ADIPOR1: variants seen among roughly 807,000 people sequenced by gnomAD.
ADIPOR1 encodes the protein adiponectin receptor 1, also known as adiponectin receptor protein 1.
A neutral mutation model predicts 37.5 loss-of-function variants in ADIPOR1; 15 were observed. The ratio of observed to expected loss-of-function variants is 0.40; its 90% CI spans 0.27 to 0.62. The LOEUF is 0.62. Among genes scored for constraint, ADIPOR1 ranks in the 20% least tolerant of loss-of-function variants. The pLI, the probability that ADIPOR1 is intolerant of heterozygous loss-of-function variation, is 0.42. For missense variants in ADIPOR1, 286 were observed against 478.0 expected, an observed-to-expected ratio of 0.60 and a Z score of 3.75; for synonymous variants, 173 against 173.2, an observed-to-expected ratio of 1.00 and a Z score of 0.01.
Position 202,950,912 on chromosome 1 carries a change from C to G in ADIPOR1, c.141+18G>C, listed in dbSNP as rs890667200. ...AGAGAAACTGAACAAGGGGATGACT[C>G]CTGGGAAGATGACTTACTTTGGGTG... On this transcript the variant is annotated intron_variant, in intron 2 of 7. Transcript: ENST00000340990. The G allele has an allele frequency of 1.9e-6, 3 of 1,614,080 alleles. No individual in the cohort carries two copies. Among genetic ancestry groups the G allele is most frequent in the Non-Finnish European group, 2.5e-6 (3 of 1,179,992 alleles).
Position 202,942,225 on chromosome 1 carries a change from A to C in ADIPOR1, c.806-7T>G. ...CCAAGTCCCAGGAACACGCCTGAAC[A>C]GAACAGACATAAGACTGTCAAACAA... On this transcript the variant is annotated splice_region_variant and splice_polypyrimidine_tract_variant and intron_variant, in intron 6 of 7. Transcript: ENST00000340990. 1 of 1,609,124 alleles carries C rather than the reference A, an allele frequency of 6.2e-7. No individual in the cohort carries two copies. The highest frequency in any genetic ancestry group is 8.5e-7 in the Non-Finnish European group (1 of 1,177,230).
At chr1:202,956,257 A>G (rs750907534) in intron 1 of ADIPOR1, among the ~76,000 whole-genome samples, 9 of 152,242 alleles carry the variant, frequency 5.9e-5, no homozygotes, top group Admixed American at 1.3e-4. Context: ...TGCTTATCTT[A>G]CCTGTGTGAT....
Position 202,943,894 on chromosome 1 carries a change from C to T in ADIPOR1, c.669G>A (p.Trp223Ter). Residue 223 changes from tryptophan (W) to a stop codon, truncating the protein, a stop_gained, in exon 6 of 8, where the codon TGG becomes TGA. Coordinates refer to ENST00000340990, the MANE Select transcript of ADIPOR1 (RefSeq NM_015999.6). LOFTEE classifies it high-confidence loss of function. Reference sequence around the variant, plus strand: ...GGGAGCAGTAGAAGGAATAATAGAGCCAGGGGACAAAGCTCCCCATAATTA... The same window carrying T: ...GGGAGCAGTAGAAGGAATAATAGAGTCAGGGGACAAAGCTCCCCATAATTA... The part of the protein sequence containing the change: ...ALLIMGSFVP[W>*]LYYSFYCSPQ... The T allele has an allele frequency of 6.2e-7, 1 of 1,613,966 alleles. No homozygotes were observed. Among genetic ancestry groups the T allele is most frequent in the Non-Finnish European group, 8.5e-7 (1 of 1,179,946 alleles).
At chr1:202,945,650 T>C in intron 4 of ADIPOR1, among the ~76,000 whole-genome samples, 1 of 152,210 alleles carries the variant, frequency 6.6e-6, no homozygotes, top group East Asian at 1.9e-4. Context: ...GGAAATGTGG[T>C]GTATGTACAC....
At chr1:202,957,802 C>A (rs553173668) in intron 1 of ADIPOR1, among the ~76,000 whole-genome samples, 35 of 152,332 alleles carry the variant, frequency 2.3e-4, no homozygotes, top group African/African-American at 7.9e-4. Flanking sequence ...GCAGCCCTCC[C>A]TCCCCACGCG....
chr1:202,958,381 C>G (rs2102498981), upstream of ADIPOR1: 1 of 152,970 alleles, frequency 6.5e-6, no homozygotes, highest in South Asian at 1.8e-4. Context: ...CCTAGGCCCT[C>G]TCGCGGAGTC....
chr1:202,949,252 G>A (rs1046352424), intron 2 of ADIPOR1, among the ~76,000 whole-genome samples: 4 of 151,898 alleles, frequency 2.6e-5, no homozygotes, highest in Non-Finnish European at 5.9e-5. Context: ...CTGGTTCCAT[G>A]GAAAACAGCG....
At chr1:202,948,851 G>T (rs1169009595) in intron 2 of ADIPOR1, among the ~76,000 whole-genome samples, 3 of 151,070 alleles carry the variant, frequency 2.0e-5, no homozygotes, top group African/African-American at 7.3e-5. Flanking sequence ...GAGTACAGTG[G>T]TGCGATCTCT....
intron 4 of ADIPOR1, 114 bp downstream of exon 4, chr1:202,946,325 G>T: frequency 1.5e-6 from 2 of 1,296,340 alleles, no homozygotes; most frequent in Admixed American, 1.9e-5. Context: ...GTCATTAGTA[G>T]TTTAAAGGTA....
rs1654087629 is a variant in ADIPOR1 at position 202,941,609 on chromosome 1, G to C, written c.1092C>G (p.Gly364=). The change falls in exon 8 of 8, where the codon GGC becomes GGG. Residue 364 remains glycine (G), a synonymous_variant. Coordinates refer to ENST00000340990, the MANE Select transcript of ADIPOR1 (RefSeq NM_015999.6). ...GVSNLQEFRY[G]LEGGCTDDTL... ...TGTCATCAGTACAGCCGCCTTCTAG[G>C]CCGTAACGGAATTCCTGAAGGTTGG... 1 of 1,614,060 alleles carries C rather than the reference G, an allele frequency of 6.2e-7. No individual in the cohort carries two copies. Among genetic ancestry groups the C allele is most frequent in the Non-Finnish European group, 8.5e-7 (1 of 1,180,034 alleles).
chr1:202,941,621 T>C lies in ADIPOR1; in HGVS notation c.1080A>G (p.Glu360=). ...AGCCGCCTTCTAGGCCGTAACGGAA[T>C]TCCTGAAGGTTGGAGACTCCATAGA... The part of the protein sequence containing the change: ...VHFYGVSNLQ[E]FRYGLEGGCT... Residue 360 remains glutamate, a synonymous_variant, in exon 8 of 8, where the codon GAA becomes GAG. Transcript: ENST00000340990. 1 of 1,614,142 alleles carries C rather than the reference T, an allele frequency of 6.2e-7. No homozygotes were observed. Among genetic ancestry groups the C allele is most frequent in the Non-Finnish European group, 8.5e-7 (1 of 1,180,012 alleles).
chr1:202,941,909 A>G, intron 7 of ADIPOR1, 116 bp downstream of exon 7: 2 of 1,236,242 alleles, frequency 1.6e-6, no homozygotes, highest in Non-Finnish European at 2.2e-6. Context: ...TTCAATGCAC[A>G]TATATGTACC....
At chr1:202,958,017 G>T (rs944997710) in intron 1 of ADIPOR1, among the ~76,000 whole-genome samples, 168 bp downstream of exon 1, 2 of 152,194 alleles carry the variant, frequency 1.3e-5, no homozygotes, top group African/African-American at 2.4e-5. Context: ...AACCTGACCG[G>T]CTGGATGCCT....
At chr1:202,950,769 G>A (rs1471914001) in intron 2 of ADIPOR1, among the ~76,000 whole-genome samples, 161 bp downstream of exon 2, 1 of 152,172 alleles carries the variant, frequency 6.6e-6, no homozygotes, top group Non-Finnish European at 1.5e-5. Context: ...GGGGAAAGCA[G>A]ACAACAAGAT....
chr1:202,954,771 G>A (rs1654711980), intron 1 of ADIPOR1, among the ~76,000 whole-genome samples: 3 of 152,248 alleles, frequency 2.0e-5, no homozygotes, highest in African/African-American at 7.2e-5. Context: ...CAAACATGGG[G>A]AAAAGATTGA....
chr1:202,945,996 C>T (rs542574233), intron 4 of ADIPOR1, among the ~76,000 whole-genome samples: 141 of 138,504 alleles, frequency 1.0e-3, no homozygotes, highest in African/African-American at 3.7e-3. Context: ...AACCCCCCCC[C>T]ACCCCTTTGT....
rs536785933 is a variant in ADIPOR1, at chr1:202,949,333, C to T, written c.142-913G>A. 2.1e-3 allele frequency among the ~76,000 whole-genome samples: 313 copies of T among 151,654 alleles called. 1 individual carries two copies. The highest frequency in any genetic ancestry group is 6.4e-3 in the African/African-American group (265 of 41,480). On this transcript the variant is annotated intron_variant, in intron 2 of 7. Coordinates refer to ENST00000340990, the MANE Select transcript of ADIPOR1 (RefSeq NM_015999.6). ...CGGTGGCTCACGCCTGTAATCCCAGCACTTTGGGAGGCCGAGGCGGGCGGA... is the reference window on the plus strand; with the variant it reads ...CGGTGGCTCACGCCTGTAATCCCAGTACTTTGGGAGGCCGAGGCGGGCGGA...
At chr1:202,948,207 T>TA in intron 3 of ADIPOR1, 97 bp downstream of exon 3, 1 of 994,520 alleles carries the variant, frequency 1.0e-6, no homozygotes. Context: ...TTCCCAGGAA[T>TA]AAAAGCTCTT....
At position 202,941,476 on chromosome 1, in the gene ADIPOR1, A is replaced by C; in HGVS notation, c.*97T>G. 6.9e-7 allele frequency: 1 copy of C among 1,455,140 alleles called. No individual in the cohort carries two copies. The highest frequency in any genetic ancestry group is 9.2e-7 in the Non-Finnish European group (1 of 1,088,126). The allele number at this position is 1,455,140 out of a possible 1,614,324, so 90.1% of individuals were successfully genotyped here. A position where few individuals can be genotyped will look rare whatever the true frequency, so the allele number is the denominator to read the frequency against. On this transcript the variant is annotated 3_prime_UTR_variant, in exon 8 of 8. Coordinates refer to ENST00000340990, the MANE Select transcript of ADIPOR1 (RefSeq NM_015999.6). ...CTGAATTCTCTAAGAGGTTTCTTCT[A>C]GAAACAGACAACTCAGACTCTTCCT...
Sources: allele counts gnomAD v4.1 joint callset (sites outside exome capture counted in the v4.1 genomes callset), GRCh38; gene constraint gnomAD v4.1.1; transcripts MANE v1.5; gene names NCBI Gene and HGNC (gene_info 2026-07-23, HGNC 2026-07-21).